RANBP9: variants seen among roughly 807,000 people sequenced by gnomAD.
The protein encoded by RANBP9 is RAN binding protein 9.
In RANBP9, 15 loss-of-function variants were observed where a neutral mutation model predicts 84.3. That is an observed-to-expected ratio of 0.18 (90% CI 0.12 to 0.27). The LOEUF (loss-of-function observed/expected upper bound fraction) is 0.27. RANBP9 is among the 10% of genes least tolerant of loss of function. The pLI is 1.00. For missense variants in RANBP9, 809 were observed against 912.8 expected, an observed-to-expected ratio of 0.89 and a Z score of 1.46; for synonymous variants, 392 against 349.6, an observed-to-expected ratio of 1.12 and a Z score of -1.35.
chr6:13,659,155 C>CA (rs1765478887), intron 2 of RANBP9, among the ~76,000 whole-genome samples: 1 of 151,228 alleles, frequency 6.6e-6, no homozygotes, highest in Admixed American at 6.6e-5. Context: ...AGATTTCTCA[C>CA]AAAAAAAGCA....
At chr6:13,675,448 C>T (rs1765867457) in intron 2 of RANBP9, among the ~76,000 whole-genome samples, 1 of 152,148 alleles carries the variant, frequency 6.6e-6, no homozygotes, top group Middle Eastern at 3.4e-3. Flanking sequence ...CTATTTTCAA[C>T]TAAATGAAAA....
intron 2 of RANBP9, among the ~76,000 whole-genome samples, chr6:13,668,346 C>G (rs1765698986): frequency 6.6e-6 from 1 of 151,980 alleles, no homozygotes; most frequent in Non-Finnish European, 1.5e-5. Flanking sequence ...TCCAAAAAAG[C>G]TAGAAATACT....
chr6:13,694,784 T>C (rs1766404138), intron 2 of RANBP9, among the ~76,000 whole-genome samples: 1 of 152,186 alleles, frequency 6.6e-6, no homozygotes, highest in African/African-American at 2.4e-5. Context: ...ATCAACGCTG[T>C]ATTTACCACA....
intron 3 of RANBP9, 25 bp from the exon 4 acceptor site, chr6:13,657,301 T>C: frequency 1.3e-6 from 2 of 1,593,942 alleles, no homozygotes; most frequent in Non-Finnish European, 1.7e-6. Flanking sequence ...CCGGCATATT[T>C]ACAATGAAAA....
chr6:13,669,412 A>G (rs985841321), intron 2 of RANBP9, among the ~76,000 whole-genome samples: 1 of 152,220 alleles, frequency 6.6e-6, no homozygotes, highest in African/African-American at 2.4e-5. Flanking sequence ...GGCCCAGTAG[A>G]GCCAAAATAA....
At chr6:13,647,805 AAAGT>A (rs1765205962) in intron 5 of RANBP9, among the ~76,000 whole-genome samples, 1 of 152,156 alleles carries the variant, frequency 6.6e-6, no homozygotes, top group African/African-American at 2.4e-5. Flanking sequence ...GGCTCACTGA[AAAGT>A]AAGTATAATT....
chr6:13,641,220 G>A lies in RANBP9; in HGVS notation c.1313C>T (p.Pro438Leu). 1 of 1,582,028 alleles carries A rather than the reference G, an allele frequency of 6.3e-7. No individual in the cohort carries two copies. Among genetic ancestry groups the A allele is most frequent in the Non-Finnish European group, 8.6e-7 (1 of 1,159,326 alleles). ...QLYPSLLERN[P>L]NLLFTLKVRQ... ...TCACTTTAATGTGAAAAGGAGATTAGGATTTCTTTCAAGTAAACTTGGGTA... is the reference window on the plus strand; with the variant it reads ...TCACTTTAATGTGAAAAGGAGATTAAGATTTCTTTCAAGTAAACTTGGGTA... The change falls in exon 8 of 14, where the codon CCT becomes CTT. Residue 438 changes from proline (P) to leucine (L), a missense_variant. Physicochemically the swap from Pro to Leu is moderately conservative, Grantham distance 98. This residue lies in a region of RANBP9 where 216 missense variants were observed against 329.0 expected (regional missense o/e 0.66). Transcript: ENST00000011619.
At chr6:13,690,012 T>C (rs573018180) in intron 2 of RANBP9, among the ~76,000 whole-genome samples, 1 of 152,200 alleles carries the variant, frequency 6.6e-6, no homozygotes, top group Non-Finnish European at 1.5e-5. Context: ...TAGTAGGCTA[T>C]ACCATCTAGG....
chr6:13,699,320 A>T (rs1474889082), intron 1 of RANBP9, among the ~76,000 whole-genome samples: 1 of 152,190 alleles, frequency 6.6e-6, no homozygotes, highest in East Asian at 1.9e-4. Context: ...TATTAAAACT[A>T]AAAAGATTTG....
chr6:13,639,119 T>C (rs1243916589), intron 9 of RANBP9, among the ~76,000 whole-genome samples: 1 of 152,174 alleles, frequency 6.6e-6, no homozygotes, highest in African/African-American at 2.4e-5. Context: ...AATCTGAACC[T>C]ACAATTTTTC....
chr6:13,672,867 CAG>C (rs1166875660), intron 2 of RANBP9, among the ~76,000 whole-genome samples: 1 of 150,618 alleles, frequency 6.6e-6, no homozygotes, highest in Non-Finnish European at 1.5e-5. Flanking sequence ...AAACAACAAT[CAG>C]TGAGCTTGAA....
At position 13,632,379 on chromosome 6, in the gene RANBP9, T is replaced by A; in HGVS notation, c.1938A>T (p.Lys646Asn). 6.2e-7 allele frequency: 1 copy of A among 1,607,272 alleles called. No homozygotes were observed. The highest frequency in any genetic ancestry group is 8.5e-7 in the Non-Finnish European group (1 of 1,178,012). ...RDCGKNTANKKMLKDAFSLLA... is the reference protein window; with the variant it reads ...RDCGKNTANKNMLKDAFSLLA... ...GAAAAAATATATTCACCTTCAACATTTTTTTGTTTGCAGTGTTCTTGCCAC... is the reference window on the plus strand; with the variant it reads ...GAAAAAATATATTCACCTTCAACATATTTTTGTTTGCAGTGTTCTTGCCAC... Residue 646 changes from lysine (K) to asparagine (N), a missense_variant, in exon 12 of 14, where the codon AAA becomes AAT. This residue lies in a region of RANBP9 where 233 missense variants were observed against 234.4 expected (regional missense o/e 0.99). Transcript: ENST00000011619.
At chr6:13,666,772 C>T (rs780411448) in intron 2 of RANBP9, among the ~76,000 whole-genome samples, 2 of 151,710 alleles carry the variant, frequency 1.3e-5, no homozygotes, top group Non-Finnish European at 2.9e-5. Flanking sequence ...ACAACAACAA[C>T]AACAAAAAAT....
In RANBP9 at chr6:13,643,470, C is replaced by T. The variant is rs180745498; in HGVS notation, c.1113-879G>A. 5.7e-4 allele frequency among the ~76,000 whole-genome samples: 87 copies of T among 152,084 alleles called. 2 individuals carry two copies. Among genetic ancestry groups the T allele is most frequent in the Admixed American group, 3.1e-3 (47 of 15,282 alleles). Reference sequence around the variant, plus strand: ...CACAGGAGGAGACTGAGGCAAAGAGCGGAGGGAGAAAAGGGAGGAAAATGT... The same window carrying T: ...CACAGGAGGAGACTGAGGCAAAGAGTGGAGGGAGAAAAGGGAGGAAAATGT... On this transcript the variant is annotated intron_variant, in intron 6 of 13. Transcript: ENST00000011619.
At chr6:13,694,636 TATTA>T (rs1384007101) in intron 2 of RANBP9, among the ~76,000 whole-genome samples, 1 of 152,186 alleles carries the variant, frequency 6.6e-6, no homozygotes, top group African/African-American at 2.4e-5. Context: ...GGTCCAAAAA[TATTA>T]ATTGGAAAAT....
intron 2 of RANBP9, 46 bp downstream of exon 2, chr6:13,696,739 A>G (rs1757839617): frequency 2.0e-6 from 3 of 1,506,850 alleles, no homozygotes; most frequent in Non-Finnish European, 2.7e-6. Flanking sequence ...TTATGAACCA[A>G]AACAAAAAAA....
At chr6:13,702,275 T>C (rs1168234363) in intron 1 of RANBP9, among the ~76,000 whole-genome samples, 1 of 152,124 alleles carries the variant, frequency 6.6e-6, no homozygotes, top group African/African-American at 2.4e-5. Flanking sequence ...AAATCCCATC[T>C]CTACTAAAAA....
chr6:13,683,335 C>T (rs1472653055), intron 2 of RANBP9, among the ~76,000 whole-genome samples: 1 of 152,104 alleles, frequency 6.6e-6, no homozygotes, highest in Non-Finnish European at 1.5e-5. Context: ...AAACTGTTTT[C>T]CTGGTTCTGA....
intron 13 of RANBP9, among the ~76,000 whole-genome samples, chr6:13,624,388 G>A (rs544267366): frequency 1.3e-5 from 2 of 152,018 alleles, no homozygotes; most frequent in Non-Finnish European, 2.9e-5. Flanking sequence ...TCCTAAACTA[G>A]TTTGAAATAT....
Sources: gnomAD v4.1 joint callset for allele counts (sites outside exome capture counted in the v4.1 genomes callset) on GRCh38, gnomAD v4.1.1 for gene constraint, gnomAD v4.1.1 regional missense constraint, MANE v1.5 for transcripts, NCBI Gene and HGNC (gene_info 2026-07-23, HGNC 2026-07-21) for gene names.